Variants in FMN1 observed in about 807,000 individuals in gnomAD.
FMN1 encodes the protein formin 1, also known as formin-1.
Under a neutral mutation model 132.4 loss-of-function variants are expected in FMN1, and 110 were observed. That is an observed-to-expected ratio of 0.83 (90% CI 0.71 to 0.97). The LOEUF is 0.97. Ranked by LOEUF, FMN1 falls within the 50% of genes least tolerant of loss-of-function variation. The pLI is 0.00. For missense variants in FMN1, 1,792 were observed against 1,705.3 expected (o/e 1.05, Z -0.90); for synonymous variants, 722 against 651.7 (o/e 1.11, Z -1.64).
chr15:32,926,897 G>A (rs2060975410), intron 9 of FMN1, among the ~76,000 whole-genome samples: 1 of 152,116 alleles, frequency 6.6e-6, no homozygotes, highest in South Asian at 2.1e-4. Context: ...TGATTCTCCT[G>A]CCTCAGCCTT....
intron 9 of FMN1, among the ~76,000 whole-genome samples, chr15:32,955,640 A>G (rs2061748822): frequency 6.6e-6 from 1 of 152,194 alleles, no homozygotes; most frequent in African/African-American, 2.4e-5. Context: ...ACTTCCCTCA[A>G]CGAGAAGATA....
chr15:32,976,428 T>G (rs975540444), intron 7 of FMN1, among the ~76,000 whole-genome samples: 1 of 152,210 alleles, frequency 6.6e-6, no homozygotes, highest in Non-Finnish European at 1.5e-5. Flanking sequence ...GTTTTCTTTT[T>G]GAAGGCTGTC....
intron 6 of FMN1, among the ~76,000 whole-genome samples, chr15:33,041,726 T>G (rs1298077449): frequency 6.6e-6 from 1 of 151,996 alleles, no homozygotes; most frequent in Non-Finnish European, 1.5e-5. Context: ...GTCAAGGATA[T>G]GAAAAAATTA....
At chr15:33,018,583 C>CG (rs1450707787) in intron 6 of FMN1, among the ~76,000 whole-genome samples, 3 of 152,184 alleles carry the variant, frequency 2.0e-5, no homozygotes, top group Non-Finnish European at 4.4e-5. Context: ...GTAAGCTCTA[C>CG]GGCCCTTCCC....
intron 6 of FMN1, among the ~76,000 whole-genome samples, chr15:33,032,484 T>C (rs1362811637): frequency 6.6e-6 from 1 of 152,224 alleles, no homozygotes; most frequent in African/African-American, 2.4e-5. Flanking sequence ...TATGCCCTTG[T>C]ATTTTCTAAT....
intron 6 of FMN1, among the ~76,000 whole-genome samples, chr15:33,011,065 T>C (rs750117955): frequency 3.3e-5 from 5 of 152,094 alleles, no homozygotes; most frequent in African/African-American, 1.2e-4. Flanking sequence ...TGTGGAAGCA[T>C]GAAAGTGCAA....
At chr15:33,038,603 T>C (rs138728547) in intron 6 of FMN1, among the ~76,000 whole-genome samples, 2 of 152,344 alleles carry the variant, frequency 1.3e-5, no homozygotes, top group African/African-American at 2.4e-5. Context: ...ATCTAACCTA[T>C]GAAAACAACA....
At chr15:32,972,777 C>A (rs2031894855) in intron 7 of FMN1, among the ~76,000 whole-genome samples, 1 of 152,100 alleles carries the variant, frequency 6.6e-6, no homozygotes. Context: ...AAACTTGGTA[C>A]CTTGAGATCA....
chr15:32,886,997 A>AG (rs1463831209), intron 16 of FMN1, among the ~76,000 whole-genome samples: 2 of 149,792 alleles, frequency 1.3e-5, no homozygotes, highest in Non-Finnish European at 2.9e-5. Context: ...CATCAATGGG[A>AG]GAAAAAAAAC....
At chr15:32,900,235 C>A in intron 13 of FMN1, 110 bp from the exon 14 acceptor site, 1 of 1,162,906 alleles carries the variant, frequency 8.6e-7, no homozygotes, top group African/African-American at 1.5e-5. Flanking sequence ...GGCTTGGTAC[C>A]AACAGAATTA....
intron 19 of FMN1, among the ~76,000 whole-genome samples, chr15:32,781,253 T>G: frequency 6.6e-6 from 1 of 152,356 alleles, no homozygotes; most frequent in East Asian, 1.9e-4. Context: ...TTTTCTTCCA[T>G]GCTTCAAATA....
At chr15:33,027,732 T>C (rs2035748657) in intron 6 of FMN1, among the ~76,000 whole-genome samples, 1 of 152,110 alleles carries the variant, frequency 6.6e-6, no homozygotes, top group African/African-American at 2.4e-5. Flanking sequence ...GGATAAACAA[T>C]AAAAGAACAA....
intron 16 of FMN1, among the ~76,000 whole-genome samples, chr15:32,867,831 C>A (rs1433375051): frequency 6.6e-6 from 1 of 152,138 alleles, no homozygotes; most frequent in Non-Finnish European, 1.5e-5. Flanking sequence ...TGATGAGAGA[C>A]CCTCTGTTAC....
intron 4 of FMN1, among the ~76,000 whole-genome samples, chr15:33,101,798 A>C (rs931010214): frequency 6.6e-6 from 1 of 152,102 alleles, no homozygotes; most frequent in Non-Finnish European, 1.5e-5. Flanking sequence ...AATAGAACCC[A>C]AATTCTTTGG....
intron 7 of FMN1, among the ~76,000 whole-genome samples, chr15:32,984,880 AG>A (rs1449329015): frequency 5.9e-5 from 9 of 151,530 alleles, no homozygotes; most frequent in Non-Finnish European, 7.4e-5. Flanking sequence ...ATTTTTTGCA[AG>A]CAATTTTTTA....
intron 18 of FMN1, among the ~76,000 whole-genome samples, chr15:32,799,412 C>A (rs2057402065): frequency 6.6e-6 from 1 of 152,156 alleles, no homozygotes. Context: ...TCCATTCTAT[C>A]CTTTTTCGGG....
At chr15:33,050,531 A>T (rs991145912) in intron 6 of FMN1, among the ~76,000 whole-genome samples, 5 of 152,228 alleles carry the variant, frequency 3.3e-5, no homozygotes, top group African/African-American at 1.2e-4. Context: ...GTCCAACACC[A>T]CTTATATCAG....
chr15:33,158,335 T>G (rs1433997584), intron 3 of FMN1, among the ~76,000 whole-genome samples: 1 of 152,166 alleles, frequency 6.6e-6, no homozygotes, highest in Non-Finnish European at 1.5e-5. Context: ...GAACTCTATA[T>G]GTTAGTCACA....
At chr15:33,001,665 T>C (rs1196408410) in intron 7 of FMN1, among the ~76,000 whole-genome samples, 2 of 142,578 alleles carry the variant, frequency 1.4e-5, no homozygotes, top group Admixed American at 7.0e-5. Flanking sequence ...TTTGGGACAT[T>C]GGACTTTCCT....
Sources: gnomAD v4.1 joint callset for allele counts (sites outside exome capture counted in the v4.1 genomes callset) on GRCh38, gnomAD v4.1.1 for gene constraint, MANE v1.5 for transcripts, NCBI Gene and HGNC (gene_info 2026-07-23, HGNC 2026-07-21) for gene names.